The following DGKH variants were observed in gnomAD, a reference collection of about 807,000 sequenced individuals.
The protein encoded by DGKH is DAG kinase eta.
DGKH carries 90 observed loss-of-function variants against 159.3 expected under a neutral mutation model. The ratio of observed to expected loss-of-function variants is 0.57; its 90% CI spans 0.48 to 0.67. The LOEUF is 0.67. Among genes scored for constraint, DGKH ranks in the 30% least tolerant of loss-of-function variants. The pLI is 0.00. For synonymous variants in DGKH, 536 were observed against 553.8 expected, an observed-to-expected ratio of 0.97 and a Z score of 0.45; for missense variants, 1,181 against 1,506.1, an observed-to-expected ratio of 0.78 and a Z score of 3.57.
intron 1 of DGKH, among the ~76,000 whole-genome samples, chr13:42,091,814 A>G (rs948270746): frequency 6.6e-6 from 1 of 152,216 alleles, no homozygotes; most frequent in African/African-American, 2.4e-5. Context: ...CAACAGGTAT[A>G]TGGAAAAATG....
chr13:42,215,763 G>A, intron 26 of DGKH, 96 bp downstream of exon 26: 4 of 1,109,246 alleles, frequency 3.6e-6, no homozygotes, highest in Non-Finnish European at 5.2e-6. Context: ...TTCTAAGGCA[G>A]AAGCAGCCTT....
At chr13:42,195,456 C>A (rs903796548) in intron 17 of DGKH, among the ~76,000 whole-genome samples, 6 of 152,106 alleles carry the variant, frequency 3.9e-5, no homozygotes, top group Non-Finnish European at 8.8e-5. Flanking sequence ...AAGCTGAGAT[C>A]ACACCACTGC....
At chr13:42,054,592 G>A (rs570799556) in intron 1 of DGKH, among the ~76,000 whole-genome samples, 2 of 152,048 alleles carry the variant, frequency 1.3e-5, no homozygotes, top group Non-Finnish European at 2.9e-5. Flanking sequence ...AGAAGGGGAG[G>A]GTGCTGGGGA....
At chr13:42,203,208 T>A (rs1957388368) in intron 20 of DGKH, among the ~76,000 whole-genome samples, 1 of 152,254 alleles carries the variant, frequency 6.6e-6, no homozygotes, top group African/African-American at 2.4e-5. Flanking sequence ...AAGTTTACTG[T>A]GTGCCTTCTA....
rs558898819 is a variant in DGKH, at chr13:42,170,954, A to AT, written c.1367+2136_1367+2137insT. Among the ~76,000 whole-genome samples, 15 of 152,200 alleles carry AT rather than the reference A, an allele frequency of 9.9e-5. No homozygotes were observed. In the East Asian group the frequency reaches 2.9e-3, roughly 29 times the overall value. ...CGAGACTCTGTCTCAAAAAAAAAAA[A>AT]AAAAATACACCAGTTAAAAAGTCAT... On this transcript the variant is annotated intron_variant, in intron 11 of 29. Transcript: ENST00000337343.
Position 42,198,581 on chromosome 13 carries a change from G to A in DGKH, c.2271G>A (p.Pro757=), listed in dbSNP as rs9533031. ...DPFGATPFID[P]DLDSVDGYSE... is the part of the protein sequence containing the mutation. ...TTGGTGCCACGCCGTTTATTGACCC[G>A]GATCTAGATTCCGTGTAAGAAAATG... Residue 757 remains proline (P), a synonymous_variant, in exon 18 of 30, where the codon CCG becomes CCA. Coordinates refer to ENST00000337343, the MANE Select transcript of DGKH (RefSeq NM_178009.5). The A allele has an allele frequency of 9.9e-6, 16 of 1,611,532 alleles. No homozygotes were observed. In the South Asian group the frequency reaches 1.3e-4, roughly 13 times the overall value.
intron 3 of DGKH, among the ~76,000 whole-genome samples, chr13:42,146,563 G>A (rs9525580): frequency 0.23 from 35,236 of 152,132 alleles, 4,363 homozygotes; most frequent in Middle Eastern, 0.31. Flanking sequence ...ATCATGCAAT[G>A]GAATGTTATG....
intron 21 of DGKH, among the ~76,000 whole-genome samples, chr13:42,207,680 C>G: frequency 1.2e-5 from 1 of 84,984 alleles, no homozygotes; most frequent in South Asian, 4.8e-4. Context: ...AGAGAGGGCA[C>G]AATTATTAAA....
At chr13:42,089,352 A>G (rs1954370056) in intron 1 of DGKH, among the ~76,000 whole-genome samples, 1 of 152,224 alleles carries the variant, frequency 6.6e-6, no homozygotes, top group Non-Finnish European at 1.5e-5. Flanking sequence ...TCTAGATAAT[A>G]AAGTATTAAT....
At chr13:42,244,664 G>C (rs1958562918), downstream of DGKH, among the ~76,000 whole-genome samples, 3 of 152,030 alleles carry the variant, frequency 2.0e-5, no homozygotes, top group African/African-American at 7.3e-5. Flanking sequence ...CAGCACTTTG[G>C]GAGGCCGAGG....
Position 42,166,613 on chromosome 13 carries a change from T to C in DGKH, c.1057T>C (p.Phe353Leu). Reference sequence around the variant, plus strand: ...TCAGGGAGTAAAGTTCCTCCGTCGCTTTAAACAGTTGCTAAATCCGGCTCA... The same window carrying C: ...TCAGGGAGTAAAGTTCCTCCGTCGCCTTAAACAGTTGCTAAATCCGGCTCA... ...DNQGVKFLRR[F>L]KQLLNPAQVF... The change falls in exon 9 of 30, where the codon TTT (phenylalanine) becomes CTT (leucine). Residue 353 changes from phenylalanine to leucine, a missense_variant. Around this residue, in one of 5 missense-constraint regions of DGKH, gnomAD observed 369 missense variants for 519.4 expected, o/e 0.71. Coordinates refer to ENST00000337343, the MANE Select transcript of DGKH (RefSeq NM_178009.5). 1 of 1,609,324 alleles carries C rather than the reference T, an allele frequency of 6.2e-7. No homozygotes were observed. The highest frequency in any genetic ancestry group is 8.5e-7 in the Non-Finnish European group (1 of 1,177,990).
intron 13 of DGKH, among the ~76,000 whole-genome samples, chr13:42,181,100 C>T (rs1446543434): frequency 6.6e-6 from 1 of 151,760 alleles, no homozygotes; most frequent in East Asian, 1.9e-4. Flanking sequence ...CACGGTGAAA[C>T]CCCGTCTCTA....
At chr13:42,253,596 T>TCACTGTAACCTCCG (rs1209970150) in intron 30 of DGKH, among the ~76,000 whole-genome samples, 1 of 152,246 alleles carries the variant, frequency 6.6e-6, no homozygotes, top group Admixed American at 6.5e-5. Flanking sequence ...CGGGGAGATT[T>TCACTGTAACCTCCG]CCTGTGAAAG....
intron 13 of DGKH, chr13:42,181,784 A>C: frequency 1.9e-6 from 1 of 517,990 alleles, no homozygotes; most frequent in Non-Finnish European, 3.3e-6. Context: ...AGGATGCAGC[A>C]GCAGGAGACT....
intron 17 of DGKH, 88 bp downstream of exon 17, chr13:42,195,104 C>T: frequency 1.4e-6 from 2 of 1,473,762 alleles, no homozygotes; most frequent in Non-Finnish European, 1.8e-6. Flanking sequence ...GAAACATGTT[C>T]TTAAAGATAA....
intron 3 of DGKH, among the ~76,000 whole-genome samples, chr13:42,147,360 C>G (rs9525581): frequency 0.36 from 55,284 of 151,940 alleles, 10,970 homozygotes; most frequent in South Asian, 0.45. Flanking sequence ...TACTTTTTTG[C>G]TATCATTTTC....
At chr13:42,173,341 AT>A (rs1956511682) in intron 11 of DGKH, among the ~76,000 whole-genome samples, 1 of 152,210 alleles carries the variant, frequency 6.6e-6, no homozygotes, top group Non-Finnish European at 1.5e-5. Flanking sequence ...TGAAATTACT[AT>A]TTTGGATAGA....
At position 42,129,625 on chromosome 13, in the gene DGKH, G is replaced by T; in HGVS notation, c.377G>T (p.Ser126Ile). ...AEASTKNANNSFTIITPFRRL... is the reference protein window; with the variant it reads ...AEASTKNANNIFTIITPFRRL... ...GCAAGCACGAAAAATGCTAACAACAGCTTCACGGTATGGTTATATTCTGCT... is the reference window on the plus strand; with the variant it reads ...GCAAGCACGAAAAATGCTAACAACATCTTCACGGTATGGTTATATTCTGCT... The change falls in exon 3 of 30, where the codon AGC (serine) becomes ATC (isoleucine). Residue 126 changes from serine (S) to isoleucine (I), a missense_variant. Coordinates refer to ENST00000337343, the MANE Select transcript of DGKH (RefSeq NM_178009.5). 1 of 1,611,634 alleles carries T rather than the reference G, an allele frequency of 6.2e-7. No homozygotes were observed. Among genetic ancestry groups the T allele is most frequent in the Non-Finnish European group, 8.5e-7 (1 of 1,178,720 alleles).
chr13:42,123,474 A>C (rs552547343), intron 1 of DGKH, among the ~76,000 whole-genome samples: 1 of 152,294 alleles, frequency 6.6e-6, no homozygotes, highest in Admixed American at 6.5e-5. Context: ...TCATAAAAGA[A>C]AAAAATTGAT....
Sources: gnomAD v4.1 joint callset for allele counts (sites outside exome capture counted in the v4.1 genomes callset) on GRCh38, gnomAD v4.1.1 for gene constraint, gnomAD v4.1.1 regional missense constraint, MANE v1.5 for transcripts, NCBI Gene and HGNC (gene_info 2026-07-23, HGNC 2026-07-21) for gene names.